The following ADCY9 variants were observed in gnomAD, a reference collection of about 807,000 sequenced individuals.
ADCY9 encodes the protein adenylate cyclase 9.
Under a neutral mutation model 101.5 loss-of-function variants are expected in ADCY9, and 50 were observed. That is an observed-to-expected ratio of 0.49 (90% CI 0.39 to 0.62). ADCY9 has a LOEUF of 0.62. Ranked by LOEUF, ADCY9 falls within the 20% of genes least tolerant of loss-of-function variation. The probability of loss-of-function intolerance (pLI) is 0.00; values close to 1 mark genes in which losing one functional copy is unlikely to be tolerated. For missense variants in ADCY9, 1,662 were observed against 1,800.4 expected (o/e 0.92, Z 1.39); for synonymous variants, 905 against 769.3 (o/e 1.18, Z -2.92).
chr16:4,042,223 G>A (rs910637634), intron 2 of ADCY9, among the ~76,000 whole-genome samples: 1 of 151,940 alleles, frequency 6.6e-6, no homozygotes, highest in Non-Finnish European at 1.5e-5. Flanking sequence ...GCGCCCAGCT[G>A]ACTCAGCTGT....
In ADCY9 at chr16:3,964,908, C is replaced by G. The variant is rs2055974272; in HGVS notation, c.*867G>C. 6.6e-6 allele frequency: 1 copy of G among 152,212 alleles called. No individual in the cohort carries two copies. Among genetic ancestry groups the G allele is most frequent in the Non-Finnish European group, 1.5e-5 (1 of 68,056 alleles). The allele number at this position is 152,212 out of a possible 1,614,324, so 9.4% of individuals were successfully genotyped here. A position where few individuals can be genotyped will look rare whatever the true frequency, so the allele number is the denominator to read the frequency against. On this transcript the variant is annotated 3_prime_UTR_variant, in exon 11 of 11. Coordinates refer to ENST00000294016, the MANE Select transcript of ADCY9 (RefSeq NM_001116.4). ...TAAATAAATAAATAAATAAATGCAA[C>G]CTCGGATGTTTATTTGGTATTTCCC...
downstream of ADCY9, among the ~76,000 whole-genome samples, chr16:3,958,545 A>G (rs2055920243): frequency 8.7e-5 from 1 of 11,430 alleles, no homozygotes; most frequent in African/African-American, 4.3e-4. Flanking sequence ...CCGTCTCAAA[A>G]AAAAAAAAAA....
At position 4,080,868 on chromosome 16, in the gene ADCY9, A is replaced by C. The variant is rs3789036; in HGVS notation, c.1693+32882T>G. The stretch of plus-strand genomic sequence containing the variant: ...TTTCTGATAACCTGCTCAGGATAAA[A>C]AGAAAATCTCACATAGAAATGCCTT... On this transcript the variant is annotated intron_variant, in intron 2 of 10. Transcript: ENST00000294016. 4.4e-3 allele frequency among the ~76,000 whole-genome samples: 672 copies of C among 152,232 alleles called. 16 individuals carry two copies. In the East Asian group the frequency reaches 0.072, roughly 16 times the overall value.
rs2056256975 is a variant in ADCY9 at position 3,992,908 on chromosome 16, G to T, written c.1989+498C>A. On this transcript the variant is annotated intron_variant, in intron 4 of 10. Coordinates refer to ENST00000294016, the MANE Select transcript of ADCY9 (RefSeq NM_001116.4). The surrounding 1 kb of genome is among the most constrained non-coding windows in gnomAD (Gnocchi z 4.2). ...ATGGAGGACGAGAGCCCGCGCCCCA[G>T]GTGAGTCGCCTGCATGAGCCCCCGC... Among the ~76,000 whole-genome samples, 1 of 152,134 alleles carries T rather than the reference G, an allele frequency of 6.6e-6. No individual in the cohort carries two copies. The highest frequency in any genetic ancestry group is 2.4e-5 in the African/African-American group (1 of 41,434).
In ADCY9 at chr16:4,099,653, G is replaced by C. The variant is rs568558754; in HGVS notation, c.1693+14097C>G. 2.6e-5 allele frequency among the ~76,000 whole-genome samples: 4 copies of C among 152,304 alleles called. No homozygotes were observed. In the East Asian group the frequency reaches 5.8e-4, roughly 22 times the overall value. Reference sequence around the variant, plus strand: ...CCATGGGCCCCAAATGGGACAATCTGAGCATCAAAAATCATGTATCTGTAA... The same window carrying C: ...CCATGGGCCCCAAATGGGACAATCTCAGCATCAAAAATCATGTATCTGTAA... On this transcript the variant is annotated intron_variant, in intron 2 of 10. Coordinates refer to ENST00000294016, the MANE Select transcript of ADCY9 (RefSeq NM_001116.4).
chr16:4,097,938 A>C (rs1226657137), intron 2 of ADCY9, among the ~76,000 whole-genome samples: 2 of 152,208 alleles, frequency 1.3e-5, no homozygotes, highest in African/African-American at 4.8e-5. Flanking sequence ...GGAACACAGC[A>C]GGAAGTAAAA....
At chr16:4,091,574 G>T (rs1270886859) in intron 2 of ADCY9, among the ~76,000 whole-genome samples, 1 of 152,152 alleles carries the variant, frequency 6.6e-6, no homozygotes, top group East Asian at 1.9e-4. Context: ...TCCATCAATG[G>T]AAGAATGGAA....
rs564832517 is a variant in ADCY9 at position 3,993,499 on chromosome 16, C to G, written c.1896G>C (p.Ser632=). ...ATTTGGGAGCAAATGTGATTCCGCACGAAGGGCAGGTCTAGAAGAAAAACA... is the reference window on the plus strand; with the variant it reads ...ATTTGGGAGCAAATGTGATTCCGCAGGAAGGGCAGGTCTAGAAGAAAAACA... The part of the protein sequence containing the change: ...KTFDNLKTCP[S]CGITFAPKSE... Residue 632 remains serine, a synonymous_variant, in exon 4 of 11, where the codon TCG becomes TCC. Transcript: ENST00000294016. 1.9e-6 allele frequency: 3 copies of G among 1,613,918 alleles called. No individual in the cohort carries two copies. The highest frequency in any genetic ancestry group is 2.5e-6 in the Non-Finnish European group (3 of 1,180,010).
intron 2 of ADCY9, among the ~76,000 whole-genome samples, chr16:4,044,396 G>C (rs140886149): frequency 6.1e-4 from 93 of 152,018 alleles, no homozygotes; most frequent in African/African-American, 1.9e-3. Context: ...AAAACACTAG[G>C]TTTATGAAGT....
At chr16:4,088,205 G>T (rs1312332201) in intron 2 of ADCY9, among the ~76,000 whole-genome samples, 1 of 152,018 alleles carries the variant, frequency 6.6e-6, no homozygotes, top group Non-Finnish European at 1.5e-5. Context: ...ACTGGCACCT[G>T]CTTTATACAT....
chr16:4,053,542 G>A (rs1217859507), intron 2 of ADCY9, among the ~76,000 whole-genome samples: 2 of 152,192 alleles, frequency 1.3e-5, no homozygotes, highest in African/African-American at 4.8e-5. Context: ...CGCCACAATG[G>A]CTGATTGTGT....
At chr16:4,056,679 G>T (rs1296686734) in intron 2 of ADCY9, among the ~76,000 whole-genome samples, 1 of 152,168 alleles carries the variant, frequency 6.6e-6, no homozygotes, top group Non-Finnish European at 1.5e-5. Flanking sequence ...GATCCGAAGG[G>T]GCAGAAATGA....
chr16:4,036,510 T>G (rs938650624), intron 2 of ADCY9, among the ~76,000 whole-genome samples: 2 of 138,152 alleles, frequency 1.4e-5, no homozygotes, highest in African/African-American at 5.3e-5. Flanking sequence ...TCACCCAGGC[T>G]GGAGTGCAGT....
chr16:3,967,917 C>G (rs916454198), intron 10 of ADCY9, among the ~76,000 whole-genome samples: 1 of 151,900 alleles, frequency 6.6e-6, no homozygotes, highest in Admixed American at 6.6e-5. Flanking sequence ...AGGCTGGTCT[C>G]AAACTCCTGA....
At chr16:3,986,009 T>A (rs1555507016) in intron 6 of ADCY9, among the ~76,000 whole-genome samples, 1 of 152,124 alleles carries the variant, frequency 6.6e-6, no homozygotes, top group Non-Finnish European at 1.5e-5. Context: ...TGCCACTGGC[T>A]GCCAGGGCAC....
chr16:4,094,845 ACT>A (rs1435214762), intron 2 of ADCY9, among the ~76,000 whole-genome samples: 2 of 152,054 alleles, frequency 1.3e-5, no homozygotes, highest in African/African-American at 4.8e-5. Flanking sequence ...CAGAAGAGAC[ACT>A]CTGAACAAAG....
chr16:4,005,321 G>A (rs925517054), intron 3 of ADCY9, among the ~76,000 whole-genome samples: 6 of 152,076 alleles, frequency 3.9e-5, no homozygotes, highest in Non-Finnish European at 8.8e-5. Flanking sequence ...TAAATTCCTG[G>A]GCTCAAGTGA....
chr16:4,012,743 T>TAA (rs2056412517), intron 2 of ADCY9, among the ~76,000 whole-genome samples: 2 of 152,164 alleles, frequency 1.3e-5, no homozygotes, highest in Non-Finnish European at 2.9e-5. Flanking sequence ...TAGTGTCACT[T>TAA]CTTTGAAAAC....
chr16:3,995,061 C>G (rs1268495640), intron 3 of ADCY9, among the ~76,000 whole-genome samples: 1 of 152,200 alleles, frequency 6.6e-6, no homozygotes, highest in East Asian at 1.9e-4. Flanking sequence ...CAAGTACTTA[C>G]TAGTTTGGAG....
Sources: gnomAD v4.1 joint callset for allele counts (sites outside exome capture counted in the v4.1 genomes callset) on GRCh38, gnomAD v4.1.1 for gene constraint, Gnocchi (gnomAD v3.1) non-coding constraint, MANE v1.5 for transcripts, NCBI Gene and HGNC (gene_info 2026-07-23, HGNC 2026-07-21) for gene names.